Variants in WWP2 observed in about 807,000 individuals in gnomAD.
The protein encoded by WWP2 is WW domain containing E3 ubiquitin protein ligase 2, also known as NEDD4-like E3 ubiquitin-protein ligase WWP2.
WWP2 carries 57 observed loss-of-function variants against 121.0 expected under a neutral mutation model. That is an observed-to-expected ratio of 0.47 (90% CI 0.38 to 0.59). The LOEUF is 0.59. Ranked by LOEUF, WWP2 falls within the 20% of genes least tolerant of loss-of-function variation. The pLI is 0.00. For missense variants in WWP2, 962 were observed against 1,158.9 expected, an observed-to-expected ratio of 0.83 and a Z score of 2.47; for synonymous variants, 449 against 441.3, an observed-to-expected ratio of 1.02 and a Z score of -0.22.
chr16:69,821,584 A>G (rs1304359706), intron 4 of WWP2, among the ~76,000 whole-genome samples: 1 of 152,158 alleles, frequency 6.6e-6, no homozygotes, highest in East Asian at 1.9e-4. Context: ...ATTTGAGCAA[A>G]GGGTGATTCT....
chr16:69,913,240 C>G (rs2058427662), intron 9 of WWP2, among the ~76,000 whole-genome samples: 1 of 150,450 alleles, frequency 6.6e-6, no homozygotes. Flanking sequence ...ACCATGTTGG[C>G]CAGGCTGGTC....
At chr16:69,929,384 C>G in intron 11 of WWP2, 64 bp from the exon 12 acceptor site, 1 of 1,516,416 alleles carries the variant, frequency 6.6e-7, no homozygotes, top group Non-Finnish European at 9.1e-7. Flanking sequence ...GTGGGAACCT[C>G]AGGGAAAGGA....
intron 8 of WWP2, among the ~76,000 whole-genome samples, chr16:69,903,040 G>A (rs2058229591): frequency 6.6e-6 from 1 of 152,210 alleles, no homozygotes; most frequent in Non-Finnish European, 1.5e-5. Context: ...ATCAAAAAAG[G>A]TGATGGAAGA....
At chr16:69,883,977 T>C (rs1046716852) in intron 7 of WWP2, among the ~76,000 whole-genome samples, 1 of 152,240 alleles carries the variant, frequency 6.6e-6, no homozygotes, top group Non-Finnish European at 1.5e-5. Context: ...TTAATAGTTA[T>C]ATGTTACTAA....
At chr16:69,777,181 T>C (rs1005774321) in intron 1 of WWP2, among the ~76,000 whole-genome samples, 1 of 151,728 alleles carries the variant, frequency 6.6e-6, no homozygotes, top group Admixed American at 6.6e-5. Flanking sequence ...TATACACATA[T>C]GTGTATATAC....
At chr16:69,886,774 C>T (rs1360931249) in intron 7 of WWP2, among the ~76,000 whole-genome samples, 3 of 152,050 alleles carry the variant, frequency 2.0e-5, no homozygotes, top group Admixed American at 2.0e-4. Context: ...CAAAACAACC[C>T]CTCACCAACT....
intron 6 of WWP2, among the ~76,000 whole-genome samples, chr16:69,865,110 C>T (rs966984981): frequency 6.6e-6 from 1 of 151,432 alleles, no homozygotes; most frequent in Non-Finnish European, 1.5e-5. Flanking sequence ...AGTGCAGTGG[C>T]GTGATCTCGG....
intron 6 of WWP2, among the ~76,000 whole-genome samples, chr16:69,861,202 C>G (rs1465404360): frequency 6.6e-6 from 1 of 152,210 alleles, no homozygotes; most frequent in Admixed American, 6.5e-5. Flanking sequence ...CAGGGTACCT[C>G]AAGCCATCAA....
chr16:69,770,629 G>A (rs750631683), intron 1 of WWP2, among the ~76,000 whole-genome samples: 5 of 152,138 alleles, frequency 3.3e-5, no homozygotes, highest in South Asian at 2.1e-4. Flanking sequence ...ATTTATAGCC[G>A]GTTGGTCAGA....
At chr16:69,878,681 A>T (rs1356836835) in intron 7 of WWP2, among the ~76,000 whole-genome samples, 1 of 136,886 alleles carries the variant, frequency 7.3e-6, no homozygotes, top group Non-Finnish European at 1.7e-5. Context: ...ACATGGTTTC[A>T]TGTATCTATG....
intron 5 of WWP2, 46 bp downstream of exon 5, chr16:69,840,309 G>A: frequency 6.2e-7 from 1 of 1,608,726 alleles, no homozygotes; most frequent in Non-Finnish European, 8.5e-7. Flanking sequence ...ACAGGGTGGG[G>A]CTGGGCGGGG....
chr16:69,799,318 C>T lies in WWP2; in HGVS notation c.340+23C>T, dbSNP rs373526535. ...AAAGTACGTATGATGAAGGGGGTGC[C>T]GACGTGATTCTTGGGTGGGGATGGG... On this transcript the variant is annotated intron_variant, in intron 4 of 23. Coordinates refer to ENST00000359154, the MANE Select transcript of WWP2 (RefSeq NM_001270454.2). The surrounding 1 kb of genome is among the most constrained non-coding windows in gnomAD (Gnocchi z 4.5). 1.1e-5 allele frequency: 18 copies of T among 1,606,814 alleles called. No individual in the cohort carries two copies. The highest frequency in any genetic ancestry group is 2.2e-5 in the East Asian group (1 of 44,764).
intron 8 of WWP2, among the ~76,000 whole-genome samples, chr16:69,896,904 A>C (rs1282110963): frequency 6.6e-6 from 1 of 152,178 alleles, no homozygotes; most frequent in Non-Finnish European, 1.5e-5. Flanking sequence ...GCCTGGCACC[A>C]CATATACAGA....
intron 11 of WWP2, among the ~76,000 whole-genome samples, chr16:69,928,955 C>T (rs79993961): frequency 0.049 from 7,443 of 152,056 alleles, 217 homozygotes; most frequent in East Asian, 0.11. Context: ...CAGAGAGGTG[C>T]GAGGGAAATG....
At chr16:69,879,390 C>T (rs1004392316) in intron 7 of WWP2, among the ~76,000 whole-genome samples, 9 of 151,922 alleles carry the variant, frequency 5.9e-5, no homozygotes, top group Non-Finnish European at 1.0e-4. Flanking sequence ...CCCAACCTGA[C>T]CGGCCCCCGC....
At chr16:69,908,975 G>A in intron 9 of WWP2, 125 bp downstream of exon 9, 9 of 1,499,496 alleles carry the variant, frequency 6.0e-6, no homozygotes, top group Non-Finnish European at 7.1e-6. Flanking sequence ...CGGGTCACTT[G>A]ATTGCTTTTC....
chr16:69,912,296 AAAAAC>A (rs1170811883), intron 9 of WWP2, among the ~76,000 whole-genome samples: 1 of 151,652 alleles, frequency 6.6e-6, no homozygotes, highest in Non-Finnish European at 1.5e-5. Context: ...CATCTCAAAA[AAAAAC>A]AAAACAAAAC....
chr16:69,831,022 C>T (rs534707191), intron 4 of WWP2, among the ~76,000 whole-genome samples: 10 of 152,224 alleles, frequency 6.6e-5, no homozygotes, highest in Admixed American at 1.3e-4. Context: ...TACTCTCACC[C>T]GCTTTTGATG....
At chr16:69,797,861 C>G (rs575830815) in intron 2 of WWP2, among the ~76,000 whole-genome samples, 3 of 151,896 alleles carry the variant, frequency 2.0e-5, no homozygotes, top group Admixed American at 2.0e-4. Context: ...ACACTCCAGC[C>G]TGGGCAACAA....
Sources: allele counts gnomAD v4.1 joint callset (sites outside exome capture counted in the v4.1 genomes callset), GRCh38; gene constraint gnomAD v4.1.1; non-coding constraint Gnocchi (gnomAD v3.1); transcripts MANE v1.5; gene names NCBI Gene and HGNC (gene_info 2026-07-23, HGNC 2026-07-21).